Variants in THSD7A observed in about 807,000 individuals in gnomAD.
The protein encoded by THSD7A is thrombospondin type 1 domain containing 7A, also known as thrombospondin type-1 domain-containing protein 7A.
THSD7A carries 96 observed loss-of-function variants against 231.3 expected under a neutral mutation model. That is an observed-to-expected ratio of 0.41 (90% CI 0.35 to 0.49). THSD7A has a LOEUF of 0.49. THSD7A is among the 20% of genes least tolerant of loss of function. The pLI is 0.05. For synonymous variants in THSD7A, 940 were observed against 743.3 expected (o/e 1.26, Z -4.30); for missense variants, 2,290 against 2,070.2 (o/e 1.11, Z -2.06).
chr7:11,402,595 A>AT (rs1166804173), intron 22 of THSD7A, among the ~76,000 whole-genome samples: 4 of 152,208 alleles, frequency 2.6e-5, no homozygotes, highest in African/African-American at 9.7e-5. Flanking sequence ...ATCACATATC[A>AT]TAGATGCACA....
chr7:11,564,662 G>T (rs145215713), intron 4 of THSD7A, among the ~76,000 whole-genome samples: 2 of 152,246 alleles, frequency 1.3e-5, no homozygotes, highest in East Asian at 3.9e-4. Flanking sequence ...TCAAGGACAG[G>T]TATAGGGTTT....
chr7:11,645,913 A>G (rs2128365885), intron 1 of THSD7A, among the ~76,000 whole-genome samples: 1 of 151,936 alleles, frequency 6.6e-6, no homozygotes, highest in Admixed American at 6.6e-5. Context: ...GCAGTTAAAC[A>G]CCCCCAAAAA....
chr7:11,670,650 C>G (rs1039020003), intron 1 of THSD7A, among the ~76,000 whole-genome samples: 1 of 152,156 alleles, frequency 6.6e-6, no homozygotes, highest in African/African-American at 2.4e-5. Flanking sequence ...TTCCAGAATT[C>G]TGATGCTTTA....
chr7:11,409,166 A>G (rs1583686814), intron 19 of THSD7A, among the ~76,000 whole-genome samples: 1 of 152,236 alleles, frequency 6.6e-6, no homozygotes, highest in Non-Finnish European at 1.5e-5. Flanking sequence ...ACCAATTACT[A>G]GGTATCCAAT....
chr7:11,737,077 A>T (rs1399937423), intron 1 of THSD7A, among the ~76,000 whole-genome samples: 3 of 152,040 alleles, frequency 2.0e-5, no homozygotes, highest in Non-Finnish European at 4.4e-5. Flanking sequence ...CAACCATGTG[A>T]AACTGTGAGT....
At chr7:11,677,922 T>C (rs1258003383) in intron 1 of THSD7A, among the ~76,000 whole-genome samples, 3 of 152,050 alleles carry the variant, frequency 2.0e-5, no homozygotes, top group Non-Finnish European at 4.4e-5. Context: ...GCACTTATTC[T>C]AAAATCAACC....
intron 2 of THSD7A, among the ~76,000 whole-genome samples, chr7:11,612,962 T>C (rs1055104338): frequency 1.3e-5 from 2 of 152,126 alleles, no homozygotes; most frequent in African/African-American, 4.8e-5. Context: ...CTACATCAAC[T>C]CTCTTTGTCA....
chr7:11,652,711 T>A (rs1030659816), intron 1 of THSD7A, among the ~76,000 whole-genome samples: 1 of 151,998 alleles, frequency 6.6e-6, no homozygotes, highest in Non-Finnish European at 1.5e-5. Flanking sequence ...TAAAAATGGT[T>A]TTGCTTCCAA....
At chr7:11,716,216 C>A (rs568805841) in intron 1 of THSD7A, among the ~76,000 whole-genome samples, 2 of 151,644 alleles carry the variant, frequency 1.3e-5, no homozygotes, top group African/African-American at 4.8e-5. Flanking sequence ...TTGCACATGG[C>A]ATTCCTTCTG....
chr7:11,730,543 T>C (rs1460544833), intron 1 of THSD7A, among the ~76,000 whole-genome samples: 2 of 151,730 alleles, frequency 1.3e-5, no homozygotes, highest in East Asian at 3.9e-4. Flanking sequence ...TATCATTATG[T>C]TTTTATTTTC....
chr7:11,735,906 C>T (rs2037769119), intron 1 of THSD7A, among the ~76,000 whole-genome samples: 1 of 151,706 alleles, frequency 6.6e-6, no homozygotes, highest in Admixed American at 6.6e-5. Context: ...AAATATATGA[C>T]CAGAAAAATG....
At chr7:11,809,599 G>T (rs1784478068) in intron 1 of THSD7A, among the ~76,000 whole-genome samples, 1 of 152,096 alleles carries the variant, frequency 6.6e-6, no homozygotes. Flanking sequence ...GTGAAGAGGA[G>T]CAATAAGAAT....
chr7:11,407,010 T>A lies in THSD7A; in HGVS notation c.3962A>T (p.Asp1321Val). 6.2e-7 allele frequency: 1 copy of A among 1,613,928 alleles called. No individual in the cohort carries two copies. The highest frequency in any genetic ancestry group is 8.5e-7 in the Non-Finnish European group (1 of 1,179,868). The change falls in exon 21 of 28, where the codon GAT becomes GTT. Residue 1321 changes from aspartate (D) to valine (V), a missense_variant. Asp to Val is a radical substitution (Grantham distance 152). Coordinates refer to ENST00000423059, the MANE Select transcript of THSD7A (RefSeq NM_015204.3). ...RRTVTQPFQG[D>V]GRPCPSLMDQ... ...CATCAGGGAAGGGCATGGTCTTCCA[T>A]CACCTTGAAAGGGCTGGGTCACTGT...
At chr7:11,793,269 T>A (rs368340920) in intron 1 of THSD7A, among the ~76,000 whole-genome samples, 53 of 152,010 alleles carry the variant, frequency 3.5e-4, no homozygotes, top group African/African-American at 1.3e-3. Flanking sequence ...CAACAAAACA[T>A]AACAATGGCC....
chr7:11,504,822 C>A (rs1787477111), intron 6 of THSD7A, among the ~76,000 whole-genome samples: 1 of 146,500 alleles, frequency 6.8e-6, no homozygotes, highest in Non-Finnish European at 1.5e-5. Flanking sequence ...AAAGAAAGGA[C>A]AACTAACTCC....
intron 1 of THSD7A, among the ~76,000 whole-genome samples, chr7:11,648,695 TGTGA>T (rs1370245546): frequency 6.8e-6 from 1 of 147,928 alleles, no homozygotes; most frequent in African/African-American, 2.5e-5. Context: ...TTCTCCTAGA[TGTGA>T]GTAATTCTCT....
At chr7:11,414,461 T>G (rs1241534004) in intron 17 of THSD7A, among the ~76,000 whole-genome samples, 2 of 152,146 alleles carry the variant, frequency 1.3e-5, no homozygotes, top group East Asian at 3.8e-4. Flanking sequence ...TCAACACAAA[T>G]TAGTTACTGT....
chr7:11,472,881 C>A (rs1785994869), intron 8 of THSD7A, among the ~76,000 whole-genome samples: 1 of 152,136 alleles, frequency 6.6e-6, no homozygotes, highest in African/African-American at 2.4e-5. Context: ...TGGTCCTGTG[C>A]CTGCGTAGTG....
At chr7:11,674,466 T>G (rs1414941904) in intron 1 of THSD7A, among the ~76,000 whole-genome samples, 1 of 152,066 alleles carries the variant, frequency 6.6e-6, no homozygotes, top group Non-Finnish European at 1.5e-5. Context: ...GGCTCTTAGT[T>G]TTAAGTGCCA....
Sources: gnomAD v4.1 joint callset for allele counts (sites outside exome capture counted in the v4.1 genomes callset) on GRCh38, gnomAD v4.1.1 for gene constraint, MANE v1.5 for transcripts, NCBI Gene and HGNC (gene_info 2026-07-23, HGNC 2026-07-21) for gene names.